MAP3K15: variants seen among roughly 807,000 people sequenced by gnomAD.
The protein encoded by MAP3K15 is MAPK/ERK kinase kinase 15.
MAP3K15 carries 124 observed loss-of-function variants against 99.5 expected under a neutral mutation model. The ratio of observed to expected loss-of-function variants is 1.25; its 90% confidence interval spans 1.08 to 1.45. MAP3K15 has a LOEUF of 1.45. MAP3K15 is among the 40% of genes most tolerant of loss of function. The pLI is 0.00. For synonymous variants in MAP3K15, 494 were observed against 439.6 expected, an observed-to-expected ratio of 1.12 and a Z score of -1.55; for missense variants, 1,242 against 1,079.7, an observed-to-expected ratio of 1.15 and a Z score of -2.11.
intron 3 of MAP3K15, among the ~76,000 whole-genome samples, chrX:19,481,700 G>T (rs1386456891): frequency 9.0e-6 from 1 of 111,214 alleles, no homozygotes; most frequent in Non-Finnish European, 1.9e-5. Context: ...TAGCCACTAG[G>T]GAAATGCAAA....
At chrX:19,426,947 C>A (rs1351041343) in intron 7 of MAP3K15, among the ~76,000 whole-genome samples, 1 of 106,910 alleles carries the variant, frequency 9.4e-6, no homozygotes, top group African/African-American at 3.5e-5. Context: ...ATAGGGAAAT[C>A]ATCATGAAGT....
intron 3 of MAP3K15, among the ~76,000 whole-genome samples, chrX:19,465,471 C>T (rs1459658016): frequency 7.3e-5 from 8 of 109,257 alleles, no homozygotes; most frequent in South Asian, 4.0e-4. Flanking sequence ...ACTGGCCAGG[C>T]GCGGTGGCTC....
intron 19 of MAP3K15, 31 bp downstream of exon 19, chrX:19,380,089 C>A: frequency 8.7e-7 from 1 of 1,154,186 alleles, no homozygotes; most frequent in Non-Finnish European, 1.2e-6. Flanking sequence ...TTCCCAACCA[C>A]GCCCAACCTC....
chrX:19,417,223 G>A (rs1296439313), intron 9 of MAP3K15, among the ~76,000 whole-genome samples: 10 of 112,603 alleles, frequency 8.9e-5, no homozygotes, highest in Admixed American at 6.5e-4. Flanking sequence ...AGCGCACCAA[G>A]CGTGAGCTAA....
chrX:19,428,976 G>GA (rs202129024), intron 7 of MAP3K15, among the ~76,000 whole-genome samples: 4 of 106,535 alleles, frequency 3.8e-5, no homozygotes, highest in Admixed American at 1.0e-4. Flanking sequence ...CTCAAAAAAA[G>GA]AAAAAAAAAG....
At chrX:19,512,914 C>A (rs1035372594) in intron 1 of MAP3K15, among the ~76,000 whole-genome samples, 5 of 111,536 alleles carry the variant, frequency 4.5e-5, no homozygotes, top group Non-Finnish European at 9.4e-5. Context: ...AGTGAGAGCT[C>A]TGTATCTTTT....
At chrX:19,459,687 C>T (rs2064117467) in intron 5 of MAP3K15, among the ~76,000 whole-genome samples, 1 of 111,665 alleles carries the variant, frequency 9.0e-6, no homozygotes, top group Admixed American at 9.5e-5. Flanking sequence ...CCTGTCTCTA[C>T]TAAAAATATA....
rs1056798661 is a variant in MAP3K15, at chrX:19,400,292, T to A, written c.1932+284A>T. Reference sequence around the variant, plus strand: ...TAATTCTCTTGTAGTCTCACAGACATTACTAATTAGCCTAGAGAAAACTTT... The same window carrying A: ...TAATTCTCTTGTAGTCTCACAGACAATACTAATTAGCCTAGAGAAAACTTT... On this transcript the variant is annotated intron_variant, in intron 14 of 28. Coordinates refer to ENST00000338883, the MANE Select transcript of MAP3K15 (RefSeq NM_001001671.4). 3.6e-5 allele frequency among the ~76,000 whole-genome samples: 4 copies of A among 112,302 alleles called. No homozygotes were observed. The East Asian group carries it at 1.1e-3, about 31-fold the overall frequency.
At chrX:19,435,954 G>A (rs1282795462) in intron 6 of MAP3K15, among the ~76,000 whole-genome samples, 1 of 111,537 alleles carries the variant, frequency 9.0e-6, no homozygotes, top group East Asian at 2.8e-4. Context: ...AGGAGTTCGA[G>A]ACCAGCCTGG....
At chrX:19,417,399 C>G (rs778822703) in intron 9 of MAP3K15, among the ~76,000 whole-genome samples, 1 of 112,186 alleles carries the variant, frequency 8.9e-6, no homozygotes, top group Non-Finnish European at 1.9e-5. Flanking sequence ...GAGATTATAT[C>G]CCGCGCCTGG....
chrX:19,415,253 G>T lies in MAP3K15; in HGVS notation c.1444C>A (p.Leu482Met). 2 of 1,166,150 alleles carry T rather than the reference G, an allele frequency of 1.7e-6. No individual in the cohort carries two copies. The highest frequency in any genetic ancestry group is 2.3e-6 in the Non-Finnish European group (2 of 878,794). Residue 482 changes from leucine to methionine, a missense_variant, in exon 10 of 29, where the codon CTG becomes ATG. Leu to Met is a conservative substitution (Grantham distance 15). Transcript: ENST00000338883. ...AACAAGTTCTGAACTAATGATCGCA[G>T]GTACCTGGAAAAATCACAAACAGCA... ...LFKLKPPVWY[L>M]RSLVQNLLLI...
rs763409232 is a variant in MAP3K15 at position 19,361,350 on chromosome X, G to A, written c.3846C>T (p.Tyr1282=). 2.1e-5 allele frequency: 25 copies of A among 1,203,763 alleles called. No individual in the cohort carries two copies. The highest frequency in any genetic ancestry group is 2.8e-5 in the Non-Finnish European group (25 of 889,126). Residue 1282 remains tyrosine (Y), a synonymous_variant, in exon 28 of 29, where the codon TAC becomes TAT. Coordinates refer to ENST00000338883, the MANE Select transcript of MAP3K15 (RefSeq NM_001001671.4). The part of the protein sequence containing the change: ...LNEITKEDLR[Y]LRLRGGLLCR... ...TTTGAGGCTCTTACCGTAGTCGAAG[G>A]TATCTTAGATCTTCCTTAGTGATCT...
At chrX:19,473,910 T>G (rs1210282248) in intron 3 of MAP3K15, among the ~76,000 whole-genome samples, 1 of 112,291 alleles carries the variant, frequency 8.9e-6, no homozygotes, top group Admixed American at 9.4e-5. Context: ...TAATACACCA[T>G]CTGGTAAATA....
At chrX:19,436,769 A>C (rs1418850944) in intron 6 of MAP3K15, among the ~76,000 whole-genome samples, 1 of 111,187 alleles carries the variant, frequency 9.0e-6, no homozygotes, top group Non-Finnish European at 1.9e-5. Context: ...CCTCTAACTC[A>C]CAGGCTGAAG....
At chrX:19,440,613 G>A (rs1433254806) in intron 6 of MAP3K15, among the ~76,000 whole-genome samples, 2 of 112,668 alleles carry the variant, frequency 1.8e-5, no homozygotes, top group Non-Finnish European at 3.7e-5. Context: ...CACCACCTGT[G>A]AAGGCCAGGG....
At chrX:19,405,617 A>C (rs1336057710) in intron 13 of MAP3K15, among the ~76,000 whole-genome samples, 1 of 112,452 alleles carries the variant, frequency 8.9e-6, no homozygotes, top group Non-Finnish European at 1.9e-5. Context: ...AAATTTGGAT[A>C]AATGTTGTAG....
chrX:19,478,502 G>A (rs2064268112), intron 3 of MAP3K15, among the ~76,000 whole-genome samples: 1 of 58,651 alleles, frequency 1.7e-5, no homozygotes, highest in Non-Finnish European at 3.5e-5. Context: ...AAAAAAACAG[G>A]AGAAATTGTT....
At chrX:19,509,306 G>A (rs1358813193) in intron 1 of MAP3K15, among the ~76,000 whole-genome samples, 3 of 111,448 alleles carry the variant, frequency 2.7e-5, no homozygotes, top group African/African-American at 6.5e-5. Context: ...TCTTCTTAGC[G>A]CCACATAGCA....
At chrX:19,384,371 T>C (rs2063480060) in intron 18 of MAP3K15, among the ~76,000 whole-genome samples, 2 of 108,587 alleles carry the variant, frequency 1.8e-5, no homozygotes, top group African/African-American at 3.4e-5. Flanking sequence ...AAGGTGGGGA[T>C]GGTTAGTGGG....
Sources: allele counts gnomAD v4.1 joint callset (sites outside exome capture counted in the v4.1 genomes callset), GRCh38; gene constraint gnomAD v4.1.1; transcripts MANE v1.5; gene names NCBI Gene and HGNC (gene_info 2026-07-23, HGNC 2026-07-21).